ROR1: variants seen among roughly 807,000 people sequenced by gnomAD.
ROR1 encodes the protein inactive tyrosine-protein kinase transmembrane receptor ROR1.
In ROR1, 19 loss-of-function variants were observed where a neutral mutation model predicts 78.8. The ratio of observed to expected loss-of-function variants is 0.24; its 90% CI spans 0.17 to 0.35. The LOEUF (loss-of-function observed/expected upper bound fraction) is 0.35. Among genes scored for constraint, ROR1 ranks in the 10% least tolerant of loss-of-function variants. ROR1 has a pLI of 1.00. For missense variants in ROR1, 917 were observed against 1,177.8 expected (o/e 0.78, Z 3.24); for synonymous variants, 386 against 433.6 (o/e 0.89, Z 1.36).
chr1:63,955,935 AG>A (rs1645978568), intron 1 of ROR1, among the ~76,000 whole-genome samples: 1 of 152,124 alleles, frequency 6.6e-6, no homozygotes, highest in Non-Finnish European at 1.5e-5. Context: ...ATCTCTGCAA[AG>A]ATGTGTCCGT....
At chr1:63,924,956 T>A (rs1280127403) in intron 1 of ROR1, among the ~76,000 whole-genome samples, 2 of 148,052 alleles carry the variant, frequency 1.4e-5, no homozygotes, top group South Asian at 2.1e-4. Flanking sequence ...TTTTTTTTTT[T>A]AAGAAAAAAC....
chr1:64,066,187 G>A (rs1646954324), intron 4 of ROR1, among the ~76,000 whole-genome samples: 2 of 152,092 alleles, frequency 1.3e-5, no homozygotes, highest in Admixed American at 1.3e-4. Context: ...GTGCTTACAT[G>A]AAACCCCAAC....
intron 4 of ROR1, among the ~76,000 whole-genome samples, chr1:64,109,676 C>A (rs1296944286): frequency 6.6e-6 from 1 of 152,154 alleles, no homozygotes; most frequent in Non-Finnish European, 1.5e-5. Context: ...TACAGACACA[C>A]ACCAGCATGC....
At chr1:63,806,244 G>C (rs1311767093) in intron 1 of ROR1, among the ~76,000 whole-genome samples, 1 of 152,090 alleles carries the variant, frequency 6.6e-6, no homozygotes, top group African/African-American at 2.4e-5. Flanking sequence ...GCTGGAACAA[G>C]GGTACTGCTC....
intron 1 of ROR1, among the ~76,000 whole-genome samples, chr1:63,793,574 G>A (rs1644739814): frequency 6.6e-6 from 1 of 152,238 alleles, no homozygotes; most frequent in African/African-American, 2.4e-5. Flanking sequence ...GCACAGTGCT[G>A]GGTGCTGGCA....
At chr1:63,869,455 C>T (rs1417364508) in intron 1 of ROR1, among the ~76,000 whole-genome samples, 1 of 152,080 alleles carries the variant, frequency 6.6e-6, no homozygotes, top group Non-Finnish European at 1.5e-5. Context: ...ATGCTGTGCA[C>T]CTTACTATTT....
At chr1:63,785,082 G>A (rs1247520350) in intron 1 of ROR1, among the ~76,000 whole-genome samples, 3 of 152,170 alleles carry the variant, frequency 2.0e-5, no homozygotes, top group African/African-American at 7.2e-5. Context: ...AGATACCCTG[G>A]AAAGGCTCTT....
chr1:63,875,676 G>T (rs1242392877), intron 1 of ROR1, among the ~76,000 whole-genome samples: 3 of 152,128 alleles, frequency 2.0e-5, no homozygotes, highest in Non-Finnish European at 4.4e-5. Flanking sequence ...ACTTAAAACT[G>T]CACACTCACA....
intron 1 of ROR1, among the ~76,000 whole-genome samples, chr1:63,800,370 A>G (rs183584921): frequency 4.2e-4 from 64 of 152,324 alleles, no homozygotes; most frequent in Admixed American, 2.5e-3. Context: ...AAAAGCCCTA[A>G]GAAGTGTGGG....
chr1:63,937,708 A>G (rs929478753), intron 1 of ROR1, among the ~76,000 whole-genome samples: 15 of 152,188 alleles, frequency 9.9e-5, no homozygotes, highest in African/African-American at 3.6e-4. Flanking sequence ...GTTTTGGGAA[A>G]TGAGAGTTTT....
At chr1:63,820,019 C>T (rs1644914630) in intron 1 of ROR1, among the ~76,000 whole-genome samples, 1 of 152,148 alleles carries the variant, frequency 6.6e-6, no homozygotes, top group African/African-American at 2.4e-5. Context: ...CATCAAGAAG[C>T]ATGGTTGAAA....
At chr1:63,822,795 C>T (rs1644930910) in intron 1 of ROR1, among the ~76,000 whole-genome samples, 1 of 152,114 alleles carries the variant, frequency 6.6e-6, no homozygotes, top group African/African-American at 2.4e-5. Context: ...CTCTCTGTTT[C>T]ATTAGTATAA....
chr1:63,943,489 G>T (rs1645857862), intron 1 of ROR1, among the ~76,000 whole-genome samples: 1 of 152,170 alleles, frequency 6.6e-6, no homozygotes, highest in Non-Finnish European at 1.5e-5. Context: ...CAGCTCCACT[G>T]GTCCCTCACC....
intron 1 of ROR1, among the ~76,000 whole-genome samples, chr1:63,898,191 G>C (rs1645455732): frequency 6.6e-6 from 1 of 152,262 alleles, no homozygotes; most frequent in East Asian, 1.9e-4. Context: ...TTTGTTTTCT[G>C]TTCACATGTG....
At chr1:64,114,509 C>T (rs1432006988) in intron 4 of ROR1, among the ~76,000 whole-genome samples, 3 of 152,034 alleles carry the variant, frequency 2.0e-5, no homozygotes, top group South Asian at 2.1e-4. Context: ...GAAAGAACCC[C>T]GGCTCCACAG....
At chr1:63,950,704 A>T (rs1569962310) in intron 1 of ROR1, among the ~76,000 whole-genome samples, 1 of 152,226 alleles carries the variant, frequency 6.6e-6, no homozygotes, top group East Asian at 1.9e-4. Flanking sequence ...TGACAGACCT[A>T]GGGCAAGTTC....
At chr1:64,046,729 A>G (rs1646788007) in intron 2 of ROR1, among the ~76,000 whole-genome samples, 1 of 152,178 alleles carries the variant, frequency 6.6e-6, no homozygotes, top group Non-Finnish European at 1.5e-5. Context: ...GTCTCATGGT[A>G]CCAAATCTCA....
chr1:63,911,433 C>G (rs1170817327), intron 1 of ROR1, among the ~76,000 whole-genome samples: 1 of 152,148 alleles, frequency 6.6e-6, no homozygotes, highest in African/African-American at 2.4e-5. Flanking sequence ...TACCTGAGCC[C>G]TGCCTCCTGT....
intron 1 of ROR1, among the ~76,000 whole-genome samples, chr1:63,970,229 C>T (rs1311703368): frequency 6.6e-6 from 1 of 152,152 alleles, no homozygotes; most frequent in Admixed American, 6.5e-5. Flanking sequence ...CCCTGTACCT[C>T]CTCCATCATC....
Sources: allele counts gnomAD v4.1 joint callset (sites outside exome capture counted in the v4.1 genomes callset), GRCh38; gene constraint gnomAD v4.1.1; transcripts MANE v1.5; gene names NCBI Gene and HGNC (gene_info 2026-07-23, HGNC 2026-07-21).